The following WWOX variants were observed in gnomAD, a reference collection of about 807,000 sequenced individuals.
WWOX encodes the protein WW domain containing oxidoreductase.
A neutral mutation model predicts 46.2 loss-of-function variants in WWOX; 69 were observed. The ratio of observed to expected loss-of-function variants is 1.49; its 90% CI spans 1.23 to 1.82. The LOEUF is 1.82. Among genes scored for constraint, WWOX ranks in the 40% most tolerant of loss-of-function variants. The probability of loss-of-function intolerance (pLI) is 0.00; values close to 1 mark genes in which losing one functional copy is unlikely to be tolerated. For missense variants in WWOX, 919 were observed against 542.6 expected (o/e 1.69, Z -6.89); for synonymous variants, 359 against 202.6 (o/e 1.77, Z -6.56).
chr16:78,372,023 C>G (rs1477710173), intron 5 of WWOX, among the ~76,000 whole-genome samples: 1 of 152,090 alleles, frequency 6.6e-6, no homozygotes, highest in East Asian at 1.9e-4. Flanking sequence ...AGTGTACCTC[C>G]CTTAGATTTA....
At chr16:78,503,327 T>A (rs548408805) in intron 8 of WWOX, among the ~76,000 whole-genome samples, 4 of 152,316 alleles carry the variant, frequency 2.6e-5, no homozygotes, top group Non-Finnish European at 4.4e-5. Flanking sequence ...GGTCTACCTA[T>A]AAGTACCTTC....
At chr16:78,887,861 T>A (rs1439255235) in intron 8 of WWOX, among the ~76,000 whole-genome samples, 1 of 152,236 alleles carries the variant, frequency 6.6e-6, no homozygotes, top group African/African-American at 2.4e-5. Context: ...AATTGGTTCA[T>A]GTCCTGGTGT....
Position 79,023,174 on chromosome 16 carries a change from C to T in WWOX, c.1057-188434C>T, listed in dbSNP as rs530963161. On this transcript the variant is annotated intron_variant, in intron 8 of 8. Transcript: ENST00000566780. ...CATTAGATATATGCACACACTTGACCTAATGGAAAGCTTGAAAGCAATTGG... is the reference window on the plus strand; with the variant it reads ...CATTAGATATATGCACACACTTGACTTAATGGAAAGCTTGAAAGCAATTGG... 3.3e-5 allele frequency among the ~76,000 whole-genome samples: 5 copies of T among 152,276 alleles called. No homozygotes were observed. In the South Asian group the frequency reaches 1.0e-3, roughly 32 times the overall value.
chr16:79,011,902 C>T (rs559049036), intron 8 of WWOX, among the ~76,000 whole-genome samples: 18 of 152,322 alleles, frequency 1.2e-4, no homozygotes, highest in Admixed American at 8.5e-4. Context: ...GATCCTCCCG[C>T]CTCAGCCTCC....
intron 8 of WWOX, among the ~76,000 whole-genome samples, chr16:78,473,905 T>C (rs1249697344): frequency 6.6e-6 from 1 of 152,190 alleles, no homozygotes; most frequent in Non-Finnish European, 1.5e-5. Context: ...ACCGTATTAA[T>C]TTAGGGATGA....
intron 8 of WWOX, among the ~76,000 whole-genome samples, chr16:78,634,607 G>C (rs950477373): frequency 2.0e-5 from 3 of 151,760 alleles, no homozygotes; most frequent in Non-Finnish European, 1.5e-5. Flanking sequence ...TCAGGAAGTT[G>C]AGGCAGGAGA....
chr16:79,083,627 A>G (rs1355493972), intron 8 of WWOX, among the ~76,000 whole-genome samples: 1 of 152,218 alleles, frequency 6.6e-6, no homozygotes, highest in Non-Finnish European at 1.5e-5. Flanking sequence ...CTAATGCACG[A>G]TAAGACAGTT....
chr16:78,991,155 C>A (rs1430726777), intron 8 of WWOX, among the ~76,000 whole-genome samples: 1 of 152,204 alleles, frequency 6.6e-6, no homozygotes, highest in African/African-American at 2.4e-5. Flanking sequence ...ATGGCACATT[C>A]AGCCCTTGTC....
At chr16:78,473,705 C>T (rs977688852) in intron 8 of WWOX, among the ~76,000 whole-genome samples, 2 of 152,114 alleles carry the variant, frequency 1.3e-5, no homozygotes, top group African/African-American at 4.8e-5. Flanking sequence ...CTTGACTTTG[C>T]CTGTGTACCC....
intron 8 of WWOX, among the ~76,000 whole-genome samples, chr16:78,904,474 T>C (rs535231119): frequency 1.3e-5 from 2 of 152,122 alleles, no homozygotes; most frequent in Admixed American, 1.3e-4. Flanking sequence ...CTTGACCTTG[T>C]GATCTGCCTG....
In WWOX at chr16:79,013,224, C is replaced by G. The variant is rs549515550; in HGVS notation, c.1057-198384C>G. Among the ~76,000 whole-genome samples the G allele has an allele frequency of 1.1e-4, 16 of 152,272 alleles. No individual in the cohort carries two copies. In the East Asian group the frequency reaches 3.1e-3, roughly 29 times the overall value. ...TCACTGTGCAGGAAGAGGCCTTCCTCTGTGCATCCTCCCACAGGGTCGAGA... is the reference window on the plus strand; with the variant it reads ...TCACTGTGCAGGAAGAGGCCTTCCTGTGTGCATCCTCCCACAGGGTCGAGA... On this transcript the variant is annotated intron_variant, in intron 8 of 8. Coordinates refer to ENST00000566780, the MANE Select transcript of WWOX (RefSeq NM_016373.4).
At chr16:78,780,218 C>T (rs1477414) in intron 8 of WWOX, among the ~76,000 whole-genome samples, 48,117 of 151,914 alleles carry the variant, frequency 0.32, 8,041 homozygotes, top group South Asian at 0.39. Context: ...AAAAAACACC[C>T]ATACCATTCT....
At chr16:78,554,921 C>G (rs1056023515) in intron 8 of WWOX, among the ~76,000 whole-genome samples, 2 of 152,114 alleles carry the variant, frequency 1.3e-5, no homozygotes, top group Non-Finnish European at 2.9e-5. Flanking sequence ...CTTACCCAAG[C>G]ATTAATTTTG....
chr16:78,587,651 G>T (rs544626362), intron 8 of WWOX, among the ~76,000 whole-genome samples: 7 of 152,140 alleles, frequency 4.6e-5, no homozygotes, highest in Non-Finnish European at 1.0e-4. Flanking sequence ...GAGGAATTGG[G>T]TGTGGGGAGT....
At chr16:78,412,373 G>T (rs1048521406) in intron 6 of WWOX, among the ~76,000 whole-genome samples, 1 of 152,184 alleles carries the variant, frequency 6.6e-6, no homozygotes, top group Non-Finnish European at 1.5e-5. Context: ...AGATAAGACT[G>T]ACAGGTGGGA....
intron 5 of WWOX, among the ~76,000 whole-genome samples, chr16:78,336,770 A>G (rs2080899628): frequency 6.6e-6 from 1 of 152,062 alleles, no homozygotes; most frequent in East Asian, 1.9e-4. Context: ...AGTTTTTACA[A>G]TTATAGTATT....
intron 8 of WWOX, among the ~76,000 whole-genome samples, chr16:79,100,461 C>G (rs547686952): frequency 6.6e-6 from 1 of 151,992 alleles, no homozygotes; most frequent in Non-Finnish European, 1.5e-5. Context: ...AAACAGCAAA[C>G]GGGCCCAAAT....
chr16:78,296,303 A>T (rs891277948), intron 5 of WWOX, among the ~76,000 whole-genome samples: 1 of 151,608 alleles, frequency 6.6e-6, no homozygotes, highest in Non-Finnish European at 1.5e-5. Flanking sequence ...TTTTTACATT[A>T]AAAAAAACTC....
intron 8 of WWOX, among the ~76,000 whole-genome samples, chr16:78,748,732 T>A (rs1372548383): frequency 2.6e-5 from 4 of 152,208 alleles, no homozygotes; most frequent in African/African-American, 4.8e-5. Flanking sequence ...CCCTCTGCAG[T>A]TATTTTTCAT....
Sources: gnomAD v4.1 joint callset for allele counts (sites outside exome capture counted in the v4.1 genomes callset) on GRCh38, gnomAD v4.1.1 for gene constraint, MANE v1.5 for transcripts, NCBI Gene and HGNC (gene_info 2026-07-23, HGNC 2026-07-21) for gene names.